IBTK: variants seen among roughly 807,000 people sequenced by gnomAD.
IBTK encodes the protein inhibitor of Bruton tyrosine kinase, also known as BTK-binding protein.
IBTK carries 83 observed loss-of-function variants against 154.9 expected under a neutral mutation model. The ratio of observed to expected loss-of-function variants is 0.54; its 90% CI spans 0.45 to 0.64. The LOEUF (loss-of-function observed/expected upper bound fraction) is 0.64. Ranked by LOEUF, IBTK falls within the 30% of genes least tolerant of loss-of-function variation. IBTK has a pLI of 0.00. For missense variants in IBTK, 1,332 were observed against 1,584.6 expected (o/e 0.84, Z 2.71); for synonymous variants, 515 against 536.1 (o/e 0.96, Z 0.54).
At chr6:82,230,773 A>T (rs1272596802) in intron 4 of IBTK, among the ~76,000 whole-genome samples, 1 of 152,196 alleles carries the variant, frequency 6.6e-6, no homozygotes, top group Admixed American at 6.5e-5. Context: ...ATACATACAC[A>T]CATATACACA....
chr6:82,172,416 A>G lies in IBTK; in HGVS notation c.3894T>C (p.Leu1298=). 1.2e-6 allele frequency: 2 copies of G among 1,613,996 alleles called. No individual in the cohort carries two copies. Among genetic ancestry groups the G allele is most frequent in the South Asian group, 2.2e-5 (2 of 91,070 alleles). The change falls in exon 28 of 29, where the codon CTT becomes CTC. Residue 1298 remains leucine (L), a synonymous_variant. Coordinates refer to ENST00000306270, the MANE Select transcript of IBTK (RefSeq NM_015525.4). ...CCAACGGTTTTTCTCGACTTCTAAT[A>G]AGAGCTGCTTCTTGTTGTAGTTCTT... is the stretch of plus-strand genomic sequence containing the variant. ...VEEELQQEAA[L]IRSREKPLAL...
chr6:82,216,227 A>T lies in IBTK; in HGVS notation c.1450T>A (p.Ser484Thr), dbSNP rs747289245. ...GAGACATAAGACACATCTGATGAGG[A>T]ATTGTGAAGGTTTGATAAAATCTCT... is the stretch of plus-strand genomic sequence containing the variant. The part of the protein sequence containing the change: ...KKEILSNLHN[S>T]SSDVSYVSDI... The change falls in exon 11 of 29, where the codon TCC (serine) becomes ACC (threonine). Residue 484 changes from serine (S) to threonine (T), a missense_variant. Ser to Thr is a moderately conservative substitution (Grantham distance 58, BLOSUM62 1). Around this residue, in one of 3 missense-constraint regions of IBTK, gnomAD observed 1,134 missense variants for 1,274.7 expected, o/e 0.89. Coordinates refer to ENST00000306270, the MANE Select transcript of IBTK (RefSeq NM_015525.4). 3.1e-6 allele frequency: 5 copies of T among 1,588,496 alleles called. No homozygotes were observed. Among genetic ancestry groups the T allele is most frequent in the Non-Finnish European group, 8.5e-7 (1 of 1,171,702 alleles).
At chr6:82,201,052 C>T (rs1769191958) in intron 19 of IBTK, among the ~76,000 whole-genome samples, 1 of 151,776 alleles carries the variant, frequency 6.6e-6, no homozygotes, top group African/African-American at 2.4e-5. Context: ...CATAAACCTG[C>T]CAAAAAGGAA....
At chr6:82,216,617 G>T (rs769308925) in intron 10 of IBTK, among the ~76,000 whole-genome samples, 3 of 152,038 alleles carry the variant, frequency 2.0e-5, no homozygotes, top group Non-Finnish European at 4.4e-5. Context: ...CTTCAACTTG[G>T]ATTAAAAATA....
chr6:82,216,898 A>T (rs1198609030), intron 10 of IBTK, among the ~76,000 whole-genome samples: 1 of 152,184 alleles, frequency 6.6e-6, no homozygotes, highest in Non-Finnish European at 1.5e-5. Flanking sequence ...TTCCACAAAG[A>T]TATGAAATTT....
intron 25 of IBTK, among the ~76,000 whole-genome samples, chr6:82,189,215 T>G (rs1768669533): frequency 6.6e-6 from 1 of 151,106 alleles, no homozygotes; most frequent in Admixed American, 6.6e-5. Context: ...CCAGGATGTA[T>G]CAAAAAAGAC....
chr6:82,200,415 T>C (rs1769158237), intron 20 of IBTK, among the ~76,000 whole-genome samples, 162 bp from the exon 21 acceptor site: 1 of 152,196 alleles, frequency 6.6e-6, no homozygotes. Context: ...CTTTGTATTA[T>C]ACCAAGGTTA....
At chr6:82,227,506 A>G (rs1029321128) in intron 4 of IBTK, among the ~76,000 whole-genome samples, 22 of 152,178 alleles carry the variant, frequency 1.4e-4, no homozygotes, top group African/African-American at 5.1e-4. Context: ...GTCTAAAAAC[A>G]TTGACACGAA....
In IBTK at chr6:82,192,515, G is replaced by A. The variant is rs186581355; in HGVS notation, c.3339-636C>T. 1.6e-3 allele frequency among the ~76,000 whole-genome samples: 246 copies of A among 152,272 alleles called. 1 individual carries two copies. The highest frequency in any genetic ancestry group is 5.7e-3 in the African/African-American group (235 of 41,554). On this transcript the variant is annotated intron_variant, in intron 23 of 28. Transcript: ENST00000306270. Reference sequence around the variant, plus strand: ...TAATCCCAGTACTTTGGGAGGCCGAGGCGGGTGGATCACCTGAGGTCAGGA... The same window carrying A: ...TAATCCCAGTACTTTGGGAGGCCGAAGCGGGTGGATCACCTGAGGTCAGGA...
rs182425665 is a variant in IBTK, at chr6:82,178,864, T to C, written c.3725+3015A>G. Among the ~76,000 whole-genome samples, 74 of 152,226 alleles carry C rather than the reference T, an allele frequency of 4.9e-4. 1 individual carries two copies. Among genetic ancestry groups the C allele is most frequent in the African/African-American group, 1.7e-3 (69 of 41,540 alleles). On this transcript the variant is annotated intron_variant, in intron 26 of 28. Transcript: ENST00000306270. The stretch of plus-strand genomic sequence containing the variant: ...GGAGGTGGAAAGAAGGAAAGTGCAT[T>C]TGAGAACTAAGAGAAGGCCAAGATG...
intron 1 of IBTK, among the ~76,000 whole-genome samples, chr6:82,241,672 T>C (rs1349166323): frequency 6.6e-6 from 1 of 152,228 alleles, no homozygotes; most frequent in Non-Finnish European, 1.5e-5. Flanking sequence ...AAGCAGGATC[T>C]GAAATCCGAA....
At chr6:82,184,076 G>T (rs1163022431) in intron 25 of IBTK, among the ~76,000 whole-genome samples, 2 of 152,182 alleles carry the variant, frequency 1.3e-5, no homozygotes, top group African/African-American at 4.8e-5. Flanking sequence ...AACTAAGATT[G>T]TGTGATACTG....
chr6:82,245,040 T>G (rs1364263458), intron 1 of IBTK, among the ~76,000 whole-genome samples: 1 of 152,228 alleles, frequency 6.6e-6, no homozygotes, highest in Admixed American at 6.5e-5. Context: ...GTTTAACATA[T>G]GTACTAACTG....
At chr6:82,238,473 G>A (rs991090298) in intron 2 of IBTK, among the ~76,000 whole-genome samples, 2 of 151,362 alleles carry the variant, frequency 1.3e-5, no homozygotes, top group Non-Finnish European at 2.9e-5. Flanking sequence ...AGTCGTCCTC[G>A]GTTGCCCAGG....
intron 1 of IBTK, among the ~76,000 whole-genome samples, chr6:82,241,580 CAAAA>C (rs1318023631): frequency 6.6e-6 from 1 of 151,258 alleles, no homozygotes. Context: ...CAAAGGCAAA[CAAAA>C]AAACGAAACT....
chr6:82,194,596 C>T lies in IBTK; in HGVS notation c.3221G>A (p.Arg1074Lys). The change falls in exon 23 of 29, where the codon AGG becomes AAG. Residue 1074 changes from arginine to lysine, a missense_variant. By Grantham distance (26) the Arg-to-Lys change is conservative. This residue lies in a region of IBTK where 1,134 missense variants were observed against 1,274.7 expected (regional missense o/e 0.89). Transcript: ENST00000306270. ...YVNGTSPVYS[R>K]EDLKPWEKSP... is the part of the protein sequence containing the mutation. ...CTTTTCCCATGGTTTTAAATCTTCCCTAGAATACACAGGAGATGTACCATT... is the reference window on the plus strand; with the variant it reads ...CTTTTCCCATGGTTTTAAATCTTCCTTAGAATACACAGGAGATGTACCATT... 1 of 1,609,804 alleles carries T rather than the reference C, an allele frequency of 6.2e-7. No individual in the cohort carries two copies.
At chr6:82,216,031 T>A (rs1392001301) in intron 11 of IBTK, 45 bp downstream of exon 11, 1 of 1,438,934 alleles carries the variant, frequency 6.9e-7, no homozygotes, top group Non-Finnish European at 9.5e-7. Flanking sequence ...GAAAATTCAG[T>A]GATTGTTCCT....
chr6:82,204,709 G>T, intron 17 of IBTK, 148 bp downstream of exon 17: 2 of 438,400 alleles, frequency 4.6e-6, no homozygotes, highest in East Asian at 3.5e-5. Flanking sequence ...ACAAATGATG[G>T]CATGTAATAA....
intron 8 of IBTK, among the ~76,000 whole-genome samples, chr6:82,221,056 G>A (rs925235279): frequency 6.6e-6 from 1 of 152,058 alleles, no homozygotes; most frequent in Non-Finnish European, 1.5e-5. Flanking sequence ...GCTGGGTGCA[G>A]TGGCTCCCGC....
Sources: allele counts gnomAD v4.1 joint callset (sites outside exome capture counted in the v4.1 genomes callset), GRCh38; gene constraint gnomAD v4.1.1; regional missense constraint gnomAD v4.1.1; transcripts MANE v1.5; gene names NCBI Gene and HGNC (gene_info 2026-07-23, HGNC 2026-07-21).